The following CPED1 variants were observed in gnomAD, a reference collection of about 807,000 sequenced individuals.
CPED1 encodes the protein cadherin like and PC-esterase domain containing 1.
In CPED1, 114 loss-of-function variants were observed where a neutral mutation model predicts 128.2. The observed-to-expected ratio is 0.89, with a 90% CI of 0.76 to 1.04. The LOEUF (loss-of-function observed/expected upper bound fraction) is 1.04. CPED1 is among the 50% of genes least tolerant of loss of function. The pLI is 0.00. For synonymous variants in CPED1, 462 were observed against 426.7 expected, an observed-to-expected ratio of 1.08 and a Z score of -1.02; for missense variants, 1,211 against 1,207.1, an observed-to-expected ratio of 1.00 and a Z score of -0.05.
intron 16 of CPED1, among the ~76,000 whole-genome samples, chr7:121,169,182 T>C (rs1169487736): frequency 6.6e-6 from 1 of 152,186 alleles, no homozygotes; most frequent in Non-Finnish European, 1.5e-5. Context: ...AGTCACTGTA[T>C]TTTATAAAGA....
At position 121,104,747 on chromosome 7, in the gene CPED1, A is replaced by G. The variant is rs533857745; in HGVS notation, c.918+4653A>G. The stretch of plus-strand genomic sequence containing the variant: ...TCCTTGCATATAATCAGCTCCCTAT[A>G]AATGTCTCTTCGATTGAATTGAATC... On this transcript the variant is annotated intron_variant, in intron 7 of 22. Coordinates refer to ENST00000310396, the MANE Select transcript of CPED1 (RefSeq NM_024913.5). Among the ~76,000 whole-genome samples, 13 of 152,288 alleles carry G rather than the reference A, an allele frequency of 8.5e-5. No homozygotes were observed. The East Asian group carries it at 1.4e-3, about 16-fold the overall frequency.
intron 5 of CPED1, among the ~76,000 whole-genome samples, chr7:121,074,150 C>G (rs1794061835): frequency 6.6e-6 from 1 of 151,968 alleles, no homozygotes; most frequent in South Asian, 2.1e-4. Context: ...GGCAAGTAGA[C>G]CACTTTGATG....
chr7:121,240,912 G>C (rs1193934844), intron 17 of CPED1, among the ~76,000 whole-genome samples: 1 of 152,204 alleles, frequency 6.6e-6, no homozygotes, highest in East Asian at 1.9e-4. Context: ...AGGTTTGCTT[G>C]AGAAATACAT....
intron 9 of CPED1, 82 bp from the exon 10 acceptor site, chr7:121,127,008 A>G (rs1294052323): frequency 1.9e-6 from 2 of 1,072,716 alleles, no homozygotes; most frequent in East Asian, 2.5e-5. Context: ...CCAACAGGAA[A>G]TAAATCATGT....
At chr7:121,041,882 T>G (rs1793063470) in intron 3 of CPED1, among the ~76,000 whole-genome samples, 1 of 152,172 alleles carries the variant, frequency 6.6e-6, no homozygotes, top group Admixed American at 6.6e-5. Flanking sequence ...CAAAATTGTC[T>G]GAGAAGTTTT....
chr7:121,170,653 A>G (rs930114609), intron 16 of CPED1, among the ~76,000 whole-genome samples: 4 of 152,142 alleles, frequency 2.6e-5, no homozygotes, highest in Non-Finnish European at 4.4e-5. Flanking sequence ...GGTAAAACAA[A>G]TGTTCAATAG....
At chr7:121,027,860 G>C (rs1414015906) in intron 3 of CPED1, among the ~76,000 whole-genome samples, 2 of 151,854 alleles carry the variant, frequency 1.3e-5, no homozygotes, top group African/African-American at 2.4e-5. Context: ...GTTCCATTTA[G>C]AGTGGGGAAC....
At chr7:121,267,681 T>C (rs995099085) in intron 21 of CPED1, among the ~76,000 whole-genome samples, 2 of 151,996 alleles carry the variant, frequency 1.3e-5, no homozygotes, top group Non-Finnish European at 2.9e-5. Context: ...CTCTGGCCAG[T>C]TCTTATAGAA....
At chr7:121,180,709 G>T (rs1796881457) in intron 16 of CPED1, among the ~76,000 whole-genome samples, 1 of 151,944 alleles carries the variant, frequency 6.6e-6, no homozygotes, top group African/African-American at 2.4e-5. Flanking sequence ...AGACTTAAAT[G>T]CACCCTTTAT....
At chr7:121,043,557 T>C (rs1006135424) in intron 3 of CPED1, among the ~76,000 whole-genome samples, 1 of 152,194 alleles carries the variant, frequency 6.6e-6, no homozygotes, top group African/African-American at 2.4e-5. Context: ...CATCAATTTG[T>C]CAAATGGCCA....
intron 17 of CPED1, among the ~76,000 whole-genome samples, chr7:121,240,456 A>G (rs1196241942): frequency 6.6e-6 from 1 of 152,190 alleles, no homozygotes; most frequent in Non-Finnish European, 1.5e-5. Context: ...TTATCCTATT[A>G]GAAAGAAAAT....
intron 4 of CPED1, among the ~76,000 whole-genome samples, chr7:121,056,161 T>C (rs1048367389): frequency 2.0e-5 from 3 of 152,284 alleles, no homozygotes; most frequent in African/African-American, 7.2e-5. Flanking sequence ...TGTTTTTTAA[T>C]ATGTGTAGAA....
chr7:121,005,433 G>A (rs1225741121), intron 2 of CPED1, among the ~76,000 whole-genome samples: 1 of 147,256 alleles, frequency 6.8e-6, no homozygotes, highest in African/African-American at 2.5e-5. Context: ...AATCCTTTGG[G>A]TATATACCCA....
At chr7:121,235,378 A>T (rs1798228465) in intron 16 of CPED1, among the ~76,000 whole-genome samples, 1 of 152,144 alleles carries the variant, frequency 6.6e-6, no homozygotes, top group South Asian at 2.1e-4. Flanking sequence ...AAATGAAAAT[A>T]TGTACACTGA....
intron 22 of CPED1, among the ~76,000 whole-genome samples, chr7:121,285,901 A>G (rs1032377355): frequency 2.6e-5 from 4 of 152,146 alleles, no homozygotes; most frequent in Admixed American, 1.3e-4. Flanking sequence ...CACATTTTGG[A>G]TATCTTTACA....
intron 5 of CPED1, among the ~76,000 whole-genome samples, chr7:121,071,885 A>C (rs1477233048): frequency 1.3e-5 from 2 of 152,104 alleles, no homozygotes; most frequent in African/African-American, 2.4e-5. Flanking sequence ...AGCCCTGCTC[A>C]GTAACTTTTA....
intron 16 of CPED1, 110 bp from the exon 17 acceptor site, chr7:121,236,604 T>C: frequency 1.9e-6 from 1 of 536,310 alleles, no homozygotes. Context: ...GAATATTTGC[T>C]CCCTTTTATC....
intron 2 of CPED1, among the ~76,000 whole-genome samples, chr7:121,009,475 C>G (rs989127926): frequency 6.6e-6 from 1 of 151,902 alleles, no homozygotes; most frequent in Non-Finnish European, 1.5e-5. Context: ...GATGTGGTAG[C>G]ATGCGCCTGT....
chr7:121,051,205 T>C (rs780255092), intron 4 of CPED1: 13 of 502,598 alleles, frequency 2.6e-5, no homozygotes, highest in Non-Finnish European at 5.2e-5. Flanking sequence ...CAAGTCTGAT[T>C]AATACAGTAT....
Sources: allele counts gnomAD v4.1 joint callset (sites outside exome capture counted in the v4.1 genomes callset), GRCh38; gene constraint gnomAD v4.1.1; transcripts MANE v1.5; gene names NCBI Gene and HGNC (gene_info 2026-07-23, HGNC 2026-07-21).